Variants in CTNND2 observed in about 807,000 individuals in gnomAD.
CTNND2 encodes the protein catenin delta 2.
Under a neutral mutation model 144.4 loss-of-function variants are expected in CTNND2, and 22 were observed. The observed-to-expected ratio is 0.15, with a 90% CI of 0.11 to 0.22. CTNND2 has a LOEUF of 0.22. Among genes scored for constraint, CTNND2 ranks in the 10% least tolerant of loss-of-function variants. CTNND2 has a pLI of 1.00. For synonymous variants in CTNND2, 751 were observed against 695.6 expected, an observed-to-expected ratio of 1.08 and a Z score of -1.25; for missense variants, 1,353 against 1,618.8, an observed-to-expected ratio of 0.84 and a Z score of 2.82.
intron 3 of CTNND2, among the ~76,000 whole-genome samples, chr5:11,443,263 T>TGTGTGTGTG (rs1157125968): frequency 3.0e-5 from 4 of 133,864 alleles, no homozygotes; most frequent in African/African-American, 9.0e-5. Flanking sequence ...CTGTGTGTGG[T>TGTGTGTGTG]GTGTGTGTGG....
At chr5:11,311,848 C>T (rs1750926194) in intron 9 of CTNND2, among the ~76,000 whole-genome samples, 1 of 142,936 alleles carries the variant, frequency 7.0e-6, no homozygotes, top group South Asian at 2.3e-4. Context: ...CCCCATACAC[C>T]CTCACCCCAC....
intron 1 of CTNND2, among the ~76,000 whole-genome samples, chr5:11,841,907 CT>C (rs1469937734): frequency 6.6e-6 from 1 of 151,666 alleles, no homozygotes; most frequent in Non-Finnish European, 1.5e-5. Flanking sequence ...ATCGCACTCC[CT>C]TATGAATAGT....
chr5:11,719,745 C>A (rs1786552942), intron 2 of CTNND2, among the ~76,000 whole-genome samples: 1 of 151,966 alleles, frequency 6.6e-6, no homozygotes, highest in East Asian at 1.9e-4. Flanking sequence ...AAGTCCCTCA[C>A]AGATATTCAT....
intron 1 of CTNND2, among the ~76,000 whole-genome samples, chr5:11,819,130 C>A (rs960783945): frequency 1.8e-4 from 28 of 152,148 alleles, no homozygotes; most frequent in African/African-American, 6.5e-4. Context: ...CTAAACCTGG[C>A]TTTGCAAATG....
intron 12 of CTNND2, among the ~76,000 whole-genome samples, chr5:11,136,590 C>G (rs1218575302): frequency 6.6e-6 from 1 of 152,132 alleles, no homozygotes; most frequent in Non-Finnish European, 1.5e-5. Context: ...ATCTCTGACT[C>G]TCCTCTTTCC....
In CTNND2 at chr5:11,641,592, A is replaced by G. The variant is rs183062304; in HGVS notation, c.175-76536T>C. ...TATACGTGTGTATGTATATACATATACGTGTGTGTATATACATATACGTGT... is the reference window on the plus strand; with the variant it reads ...TATACGTGTGTATGTATATACATATGCGTGTGTGTATATACATATACGTGT... On this transcript the variant is annotated intron_variant, in intron 2 of 21. Coordinates refer to ENST00000304623, the MANE Select transcript of CTNND2 (RefSeq NM_001332.4). 9.2e-3 allele frequency among the ~76,000 whole-genome samples: 1,281 copies of G among 139,574 alleles called. 17 individuals are homozygous for G. Among genetic ancestry groups the G allele is most frequent in the East Asian group, 0.052 (259 of 4,984 alleles). 91.6% of individuals were successfully genotyped at this position (139,574 alleles called of 152,430 possible).
chr5:11,630,642 A>G (rs1781366968), intron 2 of CTNND2, among the ~76,000 whole-genome samples: 1 of 151,990 alleles, frequency 6.6e-6, no homozygotes. Context: ...TATATATCCT[A>G]CTTCTTAGGA....
intron 11 of CTNND2, among the ~76,000 whole-genome samples, chr5:11,173,539 C>G (rs1760157626): frequency 6.6e-6 from 1 of 152,144 alleles, no homozygotes; most frequent in South Asian, 2.1e-4. Flanking sequence ...AAAAGGACCT[C>G]AGAGGCCACT....
At chr5:11,201,382 CAACA>C (rs371305197) in intron 10 of CTNND2, among the ~76,000 whole-genome samples, 2,193 of 152,074 alleles carry the variant, frequency 0.014, 32 homozygotes, top group African/African-American at 0.042. Context: ...TCTTTAAAGA[CAACA>C]AACAAACAAA....
At chr5:11,663,087 A>T (rs1783362380) in intron 2 of CTNND2, among the ~76,000 whole-genome samples, 1 of 152,186 alleles carries the variant, frequency 6.6e-6, no homozygotes, top group Non-Finnish European at 1.5e-5. Flanking sequence ...AAATGCCTCT[A>T]GTCAGGGTCT....
chr5:11,813,931 A>T (rs1163582644), intron 1 of CTNND2, among the ~76,000 whole-genome samples: 1 of 152,222 alleles, frequency 6.6e-6, no homozygotes, highest in Non-Finnish European at 1.5e-5. Flanking sequence ...TTAATACTCC[A>T]GGTAAATCCT....
intron 2 of CTNND2, among the ~76,000 whole-genome samples, chr5:11,634,180 A>T (rs1333353455): frequency 6.6e-6 from 1 of 152,212 alleles, no homozygotes; most frequent in Non-Finnish European, 1.5e-5. Context: ...CATCAGAAAG[A>T]GAGAACTTTA....
chr5:10,977,088 G>A (rs1275123196), intron 21 of CTNND2, among the ~76,000 whole-genome samples: 1 of 152,132 alleles, frequency 6.6e-6, no homozygotes, highest in Non-Finnish European at 1.5e-5. Flanking sequence ...AGAACCATTG[G>A]CACAGAGGTA....
At chr5:11,501,716 G>C (rs566984400) in intron 3 of CTNND2, among the ~76,000 whole-genome samples, 21 of 152,236 alleles carry the variant, frequency 1.4e-4, no homozygotes, top group Admixed American at 3.3e-4. Context: ...GCCCTCATAA[G>C]AAGGGGCAGG....
intron 2 of CTNND2, among the ~76,000 whole-genome samples, chr5:11,591,819 C>T (rs1016541076): frequency 5.9e-5 from 9 of 152,044 alleles, no homozygotes; most frequent in Non-Finnish European, 1.3e-4. Context: ...ACAATGTCAA[C>T]CCACTATCTT....
At chr5:11,315,683 T>C (rs900945771) in intron 9 of CTNND2, among the ~76,000 whole-genome samples, 65 of 152,320 alleles carry the variant, frequency 4.3e-4, no homozygotes, top group African/African-American at 1.5e-3. Flanking sequence ...TTGTAGAACA[T>C]GTTAGACTTT....
chr5:11,682,751 G>A (rs962091738), intron 2 of CTNND2, among the ~76,000 whole-genome samples: 4 of 152,102 alleles, frequency 2.6e-5, no homozygotes, highest in African/African-American at 9.7e-5. Context: ...GTAATACAAG[G>A]GTCCTTGCTC....
chr5:11,775,738 G>A (rs1790216561), intron 1 of CTNND2, among the ~76,000 whole-genome samples: 1 of 152,200 alleles, frequency 6.6e-6, no homozygotes, highest in East Asian at 1.9e-4. Context: ...CAGCCTTGGG[G>A]CGCTGGGAGG....
chr5:11,889,464 G>A (rs904854957), intron 1 of CTNND2, among the ~76,000 whole-genome samples: 1 of 152,022 alleles, frequency 6.6e-6, no homozygotes, highest in Non-Finnish European at 1.5e-5. Flanking sequence ...AACACCAAAG[G>A]GCAACTACCT....
Sources: gnomAD v4.1 joint callset for allele counts (sites outside exome capture counted in the v4.1 genomes callset) on GRCh38, gnomAD v4.1.1 for gene constraint, MANE v1.5 for transcripts, NCBI Gene and HGNC (gene_info 2026-07-23, HGNC 2026-07-21) for gene names.